ORC5: variants seen among roughly 807,000 people sequenced by gnomAD.
ORC5 encodes protein phosphatase 1, regulatory subunit 117.
ORC5 carries 39 observed loss-of-function variants against 58.8 expected under a neutral mutation model. That is an observed-to-expected ratio of 0.66 (90% CI 0.51 to 0.87). ORC5 has a LOEUF of 0.87. Among genes scored for constraint, ORC5 ranks in the 40% least tolerant of loss-of-function variants. The probability of loss-of-function intolerance (pLI) is 0.00; values close to 1 mark genes in which losing one functional copy is unlikely to be tolerated. For missense variants in ORC5, 493 were observed against 506.3 expected (o/e 0.97, Z 0.25); for synonymous variants, 218 against 177.6 (o/e 1.23, Z -1.81).
intron 12 of ORC5, among the ~76,000 whole-genome samples, chr7:104,152,968 C>G (rs1798869735): frequency 6.6e-6 from 1 of 152,114 alleles, no homozygotes; most frequent in African/African-American, 2.4e-5. Flanking sequence ...ATTATACATT[C>G]ACAAAGGCAA....
chr7:104,162,673 G>GT (rs1384020251), intron 11 of ORC5, among the ~76,000 whole-genome samples: 3 of 152,132 alleles, frequency 2.0e-5, no homozygotes, highest in Non-Finnish European at 2.9e-5. Context: ...ATATAAAAGA[G>GT]TACAGAAGTG....
At chr7:104,205,598 A>G (rs904114869) in intron 1 of ORC5, among the ~76,000 whole-genome samples, 2 of 152,254 alleles carry the variant, frequency 1.3e-5, no homozygotes, top group African/African-American at 2.4e-5. Context: ...AATGGCATAC[A>G]GCTATGGCAA....
intron 5 of ORC5, among the ~76,000 whole-genome samples, chr7:104,194,897 CTTAT>C (rs900973988): frequency 7.3e-6 from 1 of 137,446 alleles, no homozygotes; most frequent in Non-Finnish European, 1.5e-5. Flanking sequence ...ATACAAACAT[CTTAT>C]TTGAGATTGG....
rs764169183 is a variant in ORC5 at position 104,136,797 on chromosome 7, TG to T, written c.1245del (p.Phe415LeufsTer9). On this transcript the variant is annotated frameshift_variant, in exon 13 of 14. Transcript: ENST00000297431. LOFTEE classifies it high-confidence loss of function. This position sits in a 1 kb window ranked among gnomAD's most constrained non-coding sequence, Gnocchi z 4.2. ...PKYKCTVSLDFIRAIARTVNF... is the reference protein window; with the variant it reads ...PKYKCTVSLDXIRAIARTVNF... ...ACATTTTACCTTGCAATAGCTCTGATGAAGTCTAGAGACACTGTGCATTTGT... is the reference window on the plus strand; with the variant it reads ...ACATTTTACCTTGCAATAGCTCTGATAAGTCTAGAGACACTGTGCATTTGT... 9 of 1,610,526 alleles carry T rather than the reference TG, an allele frequency of 5.6e-6. No homozygotes were observed. Among genetic ancestry groups the T allele is most frequent in the African/African-American group, 1.3e-5 (1 of 74,884 alleles).
At chr7:104,196,842 T>C (rs1799811055) in intron 4 of ORC5, among the ~76,000 whole-genome samples, 1 of 152,208 alleles carries the variant, frequency 6.6e-6, no homozygotes, top group African/African-American at 2.4e-5. Flanking sequence ...ACTGAATATA[T>C]TGAATAGTAT....
In ORC5 at chr7:104,133,876, C is replaced by A. The variant is rs1406783063; in HGVS notation, c.1262+2905G>T. ...GAGTAGCCAACAGTGTCAGGTGCCA[C>A]TGAGAGGACAAACAGCCGAGACTAA... On this transcript the variant is annotated intron_variant, in intron 13 of 13. Coordinates refer to ENST00000297431, the MANE Select transcript of ORC5 (RefSeq NM_002553.4). This position sits in a 1 kb window ranked among gnomAD's most constrained non-coding sequence, Gnocchi z 4.7. 6.6e-6 allele frequency among the ~76,000 whole-genome samples: 1 copy of A among 152,066 alleles called. No homozygotes were observed. The highest frequency in any genetic ancestry group is 1.5e-5 in the Non-Finnish European group (1 of 68,028).
intron 2 of ORC5, among the ~76,000 whole-genome samples, chr7:104,202,209 C>CCTCAAA (rs1324706427): frequency 2.0e-5 from 3 of 152,186 alleles, no homozygotes; most frequent in African/African-American, 7.2e-5. Context: ...TACAGTCTAT[C>CCTCAAA]CTCAAAATAA....
In ORC5 at chr7:104,207,830, T is replaced by C. The variant is rs746407465; in HGVS notation, c.72+3A>G. On this transcript the variant is annotated splice_donor_region_variant and intron_variant, in intron 1 of 13. Transcript: ENST00000297431. ...GATCTGGAAGACAGTTTAACTACAA[T>C]ACCTCTCCAAACAAGGACTGCAAGA... The C allele has an allele frequency of 6.2e-7, 1 of 1,612,818 alleles. No homozygotes were observed. The highest frequency in any genetic ancestry group is 8.5e-7 in the Non-Finnish European group (1 of 1,178,914).
At chr7:104,148,182 C>T (rs749907610) in intron 12 of ORC5, among the ~76,000 whole-genome samples, 4 of 152,140 alleles carry the variant, frequency 2.6e-5, no homozygotes, top group Non-Finnish European at 4.4e-5. Flanking sequence ...CTTTTCCAGA[C>T]GATGACACCA....
At chr7:104,158,734 T>C (rs1051293510) in intron 12 of ORC5, among the ~76,000 whole-genome samples, 6 of 151,762 alleles carry the variant, frequency 4.0e-5, no homozygotes, top group Admixed American at 1.3e-4. Context: ...AAAATGCTCA[T>C]CATCACTGGC....
chr7:104,139,475 A>AG (rs1237845725), intron 12 of ORC5, among the ~76,000 whole-genome samples: 4 of 152,210 alleles, frequency 2.6e-5, no homozygotes, highest in Non-Finnish European at 5.9e-5. Flanking sequence ...ACCATTTTAA[A>AG]GGGAAAATTA....
rs1351027162 is a variant in ORC5 at position 104,136,255 on chromosome 7, C to T, written c.1262+526G>A. Among the ~76,000 whole-genome samples, 1 of 152,088 alleles carries T rather than the reference C, an allele frequency of 6.6e-6. No individual in the cohort carries two copies. The highest frequency in any genetic ancestry group is 1.5e-5 in the Non-Finnish European group (1 of 68,016). On this transcript the variant is annotated intron_variant, in intron 13 of 13. Coordinates refer to ENST00000297431, the MANE Select transcript of ORC5 (RefSeq NM_002553.4). The surrounding 1 kb of genome is among the most constrained non-coding windows in gnomAD (Gnocchi z 4.2). ...TGACACAATTCCTCATTCTACCACTCTCCTCGTGCCCCTTCAGTATGTATC... is the reference window on the plus strand; with the variant it reads ...TGACACAATTCCTCATTCTACCACTTTCCTCGTGCCCCTTCAGTATGTATC...
At chr7:104,188,204 A>G (rs1799591135) in intron 6 of ORC5, 47 bp downstream of exon 6, 1 of 1,318,760 alleles carries the variant, frequency 7.6e-7, no homozygotes, top group Non-Finnish European at 1.1e-6. Context: ...ATACACACAC[A>G]CACACACACA....
chr7:104,195,119 C>T, intron 5 of ORC5, 24 bp downstream of exon 5: 1 of 1,264,488 alleles, frequency 7.9e-7, no homozygotes, highest in Non-Finnish European at 1.1e-6. Context: ...ATATCATTTG[C>T]CAAAACAATG....
intron 6 of ORC5, 46 bp downstream of exon 6, chr7:104,188,195 TACACACACAC>T (rs34643155): frequency 3.9e-6 from 4 of 1,016,980 alleles, no homozygotes; most frequent in Admixed American, 2.0e-5. Flanking sequence ...CATATATGTA[TACACACACAC>T]ACACACACAC....
intron 12 of ORC5, among the ~76,000 whole-genome samples, chr7:104,145,137 T>C (rs558167732): frequency 6.6e-6 from 1 of 152,326 alleles, no homozygotes; most frequent in African/African-American, 2.4e-5. Context: ...CCTTCTTAGT[T>C]TGGAAACTTG....
chr7:104,202,013 C>A lies in ORC5; in HGVS notation c.166-1055G>T, dbSNP rs4729963. Among the ~76,000 whole-genome samples, 7 of 151,992 alleles carry A rather than the reference C, an allele frequency of 4.6e-5. No homozygotes were observed. In the East Asian group the frequency reaches 1.4e-3, roughly 29 times the overall value. On this transcript the variant is annotated intron_variant, in intron 2 of 13. Coordinates refer to ENST00000297431, the MANE Select transcript of ORC5 (RefSeq NM_002553.4). ...GCTGAGGTGGAAGTATCACTTGAGC[C>A]CAGGAATTCATGGCTGCAATGAGCT...
chr7:104,181,549 G>A (rs765907276), intron 8 of ORC5, among the ~76,000 whole-genome samples: 1 of 152,012 alleles, frequency 6.6e-6, no homozygotes, highest in Non-Finnish European at 1.5e-5. Flanking sequence ...ACTTTGGGAG[G>A]CCAAGGCAGG....
intron 11 of ORC5, among the ~76,000 whole-genome samples, chr7:104,164,036 T>C (rs1467872397): frequency 6.6e-6 from 1 of 152,226 alleles, no homozygotes; most frequent in Admixed American, 6.5e-5. Flanking sequence ...TCATGATTGT[T>C]AGACATTCAG....
Sources: gnomAD v4.1 joint callset for allele counts (sites outside exome capture counted in the v4.1 genomes callset) on GRCh38, gnomAD v4.1.1 for gene constraint, Gnocchi (gnomAD v3.1) non-coding constraint, MANE v1.5 for transcripts, NCBI Gene and HGNC (gene_info 2026-07-23, HGNC 2026-07-21) for gene names.